GABRB1: variants seen among roughly 807,000 people sequenced by gnomAD.
The protein encoded by GABRB1 is gamma-aminobutyric acid type A receptor subunit beta1.
A neutral mutation model predicts 51.6 loss-of-function variants in GABRB1; 17 were observed. That is an observed-to-expected ratio of 0.33 (90% CI 0.23 to 0.49). The LOEUF is 0.49. Ranked by LOEUF, GABRB1 falls within the 20% of genes least tolerant of loss-of-function variation. GABRB1 has a pLI of 0.99. For missense variants in GABRB1, 410 were observed against 600.6 expected, an observed-to-expected ratio of 0.68 and a Z score of 3.32; for synonymous variants, 247 against 218.9, an observed-to-expected ratio of 1.13 and a Z score of -1.14.
intron 4 of GABRB1, among the ~76,000 whole-genome samples, chr4:47,166,595 G>A (rs1184147244): frequency 6.6e-6 from 1 of 151,976 alleles, no homozygotes; most frequent in Non-Finnish European, 1.5e-5. Flanking sequence ...CTTTTTATTA[G>A]TAAGGTGTTA....
At chr4:47,008,853 C>CTTTTTTTTTTTTTTTTTTTT (rs1491180948) in intron 1 of GABRB1, among the ~76,000 whole-genome samples, 4 of 80,066 alleles carry the variant, frequency 5.0e-5, no homozygotes, top group Non-Finnish European at 6.7e-5. Flanking sequence ...CAGATACTAC[C>CTTTTTTTTTTTTTTTTTTTT]TTTTTTTTTT....
At chr4:47,149,617 T>TA (rs1248794316) in intron 3 of GABRB1, among the ~76,000 whole-genome samples, 1 of 152,030 alleles carries the variant, frequency 6.6e-6, no homozygotes, top group Non-Finnish European at 1.5e-5. Context: ...CCCATGCCAT[T>TA]AGTATGGAGG....
chr4:47,064,683 A>T (rs1456755284), intron 3 of GABRB1, among the ~76,000 whole-genome samples: 2 of 151,240 alleles, frequency 1.3e-5, no homozygotes, highest in African/African-American at 4.8e-5. Context: ...AAAGAAAAGC[A>T]GTTATCAACC....
intron 5 of GABRB1, among the ~76,000 whole-genome samples, chr4:47,337,830 A>AG (rs1247269918): frequency 8.6e-4 from 131 of 151,648 alleles, no homozygotes; most frequent in Non-Finnish European, 1.6e-3. Flanking sequence ...AAAAAAAAAA[A>AG]AAAGATAGAT....
intron 5 of GABRB1, among the ~76,000 whole-genome samples, chr4:47,322,616 GTTC>G (rs1419573456): frequency 6.6e-6 from 1 of 152,178 alleles, no homozygotes; most frequent in East Asian, 1.9e-4. Context: ...AAGCCCAAGT[GTTC>G]TTCTCTTCAT....
At chr4:47,049,892 C>A (rs1307944598) in intron 3 of GABRB1, among the ~76,000 whole-genome samples, 2 of 152,158 alleles carry the variant, frequency 1.3e-5, no homozygotes, top group East Asian at 3.8e-4. Flanking sequence ...TGAGAGATCA[C>A]TAAATTCTGC....
intron 4 of GABRB1, among the ~76,000 whole-genome samples, chr4:47,168,015 C>T (rs1397141282): frequency 6.6e-6 from 1 of 152,172 alleles, no homozygotes; most frequent in Non-Finnish European, 1.5e-5. Context: ...GGTCTCTGTA[C>T]TTGTGTTGTT....
chr4:47,316,285 C>T (rs12331018), intron 4 of GABRB1, among the ~76,000 whole-genome samples: 93,151 of 151,514 alleles, frequency 0.61, 28,735 homozygotes, highest in East Asian at 0.7. Flanking sequence ...TACACTCTAT[C>T]TTGAGATCCA....
chr4:47,094,989 A>G (rs1448479347), intron 3 of GABRB1, among the ~76,000 whole-genome samples: 1 of 152,134 alleles, frequency 6.6e-6, no homozygotes, highest in Non-Finnish European at 1.5e-5. Context: ...GAAAGAAAAC[A>G]AAATGTCAGG....
At chr4:47,036,916 C>CT (rs932283129) in intron 3 of GABRB1, among the ~76,000 whole-genome samples, 8 of 150,750 alleles carry the variant, frequency 5.3e-5, no homozygotes, top group East Asian at 1.9e-4. Flanking sequence ...AAGAAATGAA[C>CT]TTTTTTTTTC....
intron 3 of GABRB1, among the ~76,000 whole-genome samples, chr4:47,122,112 T>G (rs1285713021): frequency 1.3e-5 from 2 of 152,174 alleles, no homozygotes; most frequent in Admixed American, 6.5e-5. Context: ...CTGTCAGTAC[T>G]TAATATGTGA....
chr4:47,139,004 A>C (rs2109689010), intron 3 of GABRB1, among the ~76,000 whole-genome samples: 1 of 152,154 alleles, frequency 6.6e-6, no homozygotes. Flanking sequence ...ATAATTGAAA[A>C]AACAGCCTCC....
intron 4 of GABRB1, among the ~76,000 whole-genome samples, chr4:47,251,912 G>T (rs944523659): frequency 2.0e-5 from 3 of 152,094 alleles, no homozygotes; most frequent in African/African-American, 7.2e-5. Context: ...CAGGCTATCC[G>T]CCTCCCAACT....
intron 3 of GABRB1, among the ~76,000 whole-genome samples, chr4:47,137,061 T>A (rs1312497249): frequency 6.6e-6 from 1 of 152,054 alleles, no homozygotes; most frequent in Non-Finnish European, 1.5e-5. Context: ...CACAGAAGGG[T>A]AACCTACCCT....
In GABRB1 at chr4:47,181,201, A is replaced by G. The variant is rs535130393; in HGVS notation, c.461+19732A>G. Among the ~76,000 whole-genome samples, 22 of 152,026 alleles carry G rather than the reference A, an allele frequency of 1.4e-4. No individual in the cohort carries two copies. The South Asian group carries it at 4.4e-3, about 30-fold the overall frequency. ...TGGATGAGTTCATTTATGTTTCTTA[A>G]TATTTCTAATAATATCTTTTCCTTT... On this transcript the variant is annotated intron_variant, in intron 4 of 8. Transcript: ENST00000295454.
intron 4 of GABRB1, among the ~76,000 whole-genome samples, chr4:47,180,147 T>A (rs1718883540): frequency 6.6e-6 from 1 of 151,964 alleles, no homozygotes; most frequent in South Asian, 2.1e-4. Context: ...TATCTAAAAC[T>A]TCTTTTGCAA....
chr4:47,157,729 A>G (rs915865031), intron 3 of GABRB1, among the ~76,000 whole-genome samples: 1 of 152,140 alleles, frequency 6.6e-6, no homozygotes, highest in African/African-American at 2.4e-5. Flanking sequence ...TAGTCCTTCC[A>G]TAATGTTCAT....
At chr4:47,353,750 C>G (rs1034923989) in intron 5 of GABRB1, among the ~76,000 whole-genome samples, 4 of 152,164 alleles carry the variant, frequency 2.6e-5, no homozygotes, top group African/African-American at 9.7e-5. Flanking sequence ...TCCCTTATCA[C>G]CTTCGACATT....
At chr4:47,115,970 T>C (rs1046394627) in intron 3 of GABRB1, among the ~76,000 whole-genome samples, 2 of 152,178 alleles carry the variant, frequency 1.3e-5, no homozygotes, top group African/African-American at 2.4e-5. Context: ...AGTCAGGCTA[T>C]ATCATCTTCG....
Sources: allele counts gnomAD v4.1 joint callset (sites outside exome capture counted in the v4.1 genomes callset), GRCh38; gene constraint gnomAD v4.1.1; transcripts MANE v1.5; gene names NCBI Gene and HGNC (gene_info 2026-07-23, HGNC 2026-07-21).